Variants in CARF observed in about 807,000 individuals in gnomAD.
CARF encodes the protein calcium responsive transcription factor.
Under a neutral mutation model 82.0 loss-of-function variants are expected in CARF, and 57 were observed. The ratio of observed to expected loss-of-function variants is 0.70; its 90% confidence interval spans 0.56 to 0.87. The LOEUF (loss-of-function observed/expected upper bound fraction) is 0.87. Ranked by LOEUF, CARF falls within the 40% of genes least tolerant of loss-of-function variation. CARF has a pLI of 0.00. For synonymous variants in CARF, 268 were observed against 290.1 expected, an observed-to-expected ratio of 0.92 and a Z score of 0.77; for missense variants, 771 against 855.8, an observed-to-expected ratio of 0.90 and a Z score of 1.24.
chr2:202,932,256 G>A (rs955151393), intron 3 of CARF, among the ~76,000 whole-genome samples: 1 of 152,144 alleles, frequency 6.6e-6, no homozygotes, highest in Non-Finnish European at 1.5e-5. Context: ...TGAGATTTGG[G>A]TGGGGACACG....
Position 202,984,101 on chromosome 2 carries a change from G to T in CARF, c.*477G>T, listed in dbSNP as rs995021986. On this transcript the variant is annotated 3_prime_UTR_variant, in exon 17 of 17. Transcript: ENST00000438828. Reference sequence around the variant, plus strand: ...GTTGTGAAGAAATTGTTAATTGCCAGACAGGTAAGAAAATGTTTATAATCT... The same window carrying T: ...GTTGTGAAGAAATTGTTAATTGCCATACAGGTAAGAAAATGTTTATAATCT... The T allele has an allele frequency of 3.3e-5, 5 of 152,558 alleles. No individual in the cohort carries two copies. The highest frequency in any genetic ancestry group is 1.2e-4 in the African/African-American group (5 of 41,550). 9.5% of individuals were successfully genotyped at this position (152,558 alleles called of 1,614,324 possible).
chr2:202,933,131 G>T (rs1297057451), intron 3 of CARF, among the ~76,000 whole-genome samples: 2 of 152,140 alleles, frequency 1.3e-5, no homozygotes, highest in African/African-American at 4.8e-5. Context: ...CTGGCCTGAG[G>T]GGGTGATAGG....
In CARF at chr2:202,980,616, GTATATA is replaced by G. The variant is rs34656288; in HGVS notation, c.1559-898_1559-893del. On this transcript the variant is annotated intron_variant, in intron 14 of 16. Transcript: ENST00000438828. ...GAGTTACAGATATAGCGTCTTTCAAGTATATATATATATATATATATATATATATAT... is the reference window on the plus strand; with the variant it reads ...GAGTTACAGATATAGCGTCTTTCAAGTATATATATATATATATATATATAT... Among the ~76,000 whole-genome samples, 142 of 42,624 alleles carry G rather than the reference GTATATA, an allele frequency of 3.3e-3. 1 individual carries two copies. Among genetic ancestry groups the G allele is most frequent in the African/African-American group, 9.9e-3 (60 of 6,044 alleles). The allele number at this position is 42,624 out of a possible 152,430, so 28.0% of individuals were successfully genotyped here.
At chr2:202,956,237 TTATTTATG>T (rs1185723683) in intron 8 of CARF, among the ~76,000 whole-genome samples, 7 of 152,150 alleles carry the variant, frequency 4.6e-5, no homozygotes, top group East Asian at 1.9e-4. Flanking sequence ...ACCAGTTTAT[TTATTTATG>T]TATTTATGTA....
intron 8 of CARF, among the ~76,000 whole-genome samples, chr2:202,960,520 G>A (rs1656382596): frequency 6.6e-6 from 1 of 152,064 alleles, no homozygotes; most frequent in Admixed American, 6.6e-5. Flanking sequence ...AAAGTGCTGG[G>A]ATTACAGACA....
intron 13 of CARF, among the ~76,000 whole-genome samples, chr2:202,976,978 C>T (rs534119278): frequency 3.9e-5 from 6 of 152,262 alleles, no homozygotes; most frequent in African/African-American, 7.2e-5. Context: ...CCAAGCCTTA[C>T]GGGCATGACC....
Position 202,941,947 on chromosome 2 carries a change from T to C in CARF, c.45T>C (p.Gly15=), listed in dbSNP as rs1261981617. The change falls in exon 4 of 17, where the codon GGT becomes GGC. Residue 15 remains glycine (G), a synonymous_variant. Coordinates refer to ENST00000438828, the MANE Select transcript of CARF (RefSeq NM_024744.17). The part of the protein sequence containing the change: ...NDSLRVNHND[G]EESKTSAQVF... ...CATTAAGAGTCAACCATAATGACGG[T>C]GAAGAGTCAAAAACCAGTGCTCAAG... The C allele has an allele frequency of 6.2e-7, 1 of 1,613,656 alleles. No individual in the cohort carries two copies. The highest frequency in any genetic ancestry group is 8.5e-7 in the Non-Finnish European group (1 of 1,179,762).
Position 202,982,268 on chromosome 2 carries a change from C to T in CARF, c.1886C>T (p.Ala629Val). Residue 629 changes from alanine to valine, a missense_variant, in exon 16 of 17, where the codon GCC becomes GTC. Coordinates refer to ENST00000438828, the MANE Select transcript of CARF (RefSeq NM_024744.17). ...TGCTTAACCCAAAACAATAGTACTG[C>T]CTCCACCATGGGTAACCTTCCAGAA... ...DTCLTQNNST[A>V]STMGNLPEPD... 1 of 1,614,092 alleles carries T rather than the reference C, an allele frequency of 6.2e-7. No individual in the cohort carries two copies. Among genetic ancestry groups the T allele is most frequent in the Non-Finnish European group, 8.5e-7 (1 of 1,180,012 alleles).
At chr2:202,966,613 G>A (rs982490943) in intron 9 of CARF, among the ~76,000 whole-genome samples, 1 of 152,076 alleles carries the variant, frequency 6.6e-6, no homozygotes, top group Admixed American at 6.6e-5. Flanking sequence ...GGGAGGCTGA[G>A]GCAGGAGAAC....
chr2:202,972,281 A>G (rs2059819080), intron 12 of CARF, among the ~76,000 whole-genome samples: 2 of 152,158 alleles, frequency 1.3e-5, no homozygotes, highest in Admixed American at 6.5e-5. Context: ...TTTTACATGT[A>G]TGATCTCATT....
chr2:202,945,089 A>C (rs2058432003), intron 5 of CARF, among the ~76,000 whole-genome samples: 2 of 152,336 alleles, frequency 1.3e-5, no homozygotes, highest in South Asian at 4.1e-4. Context: ...AAAGAACTGA[A>C]GATCAGAGAG....
chr2:202,977,655 G>A (rs560634932), intron 14 of CARF, among the ~76,000 whole-genome samples: 1 of 152,034 alleles, frequency 6.6e-6, no homozygotes, highest in South Asian at 2.1e-4. Flanking sequence ...CATTTTTTAC[G>A]GTTGCTTTTT....
At chr2:202,918,665 A>G (rs1260798767) in intron 2 of CARF, among the ~76,000 whole-genome samples, 3 of 152,214 alleles carry the variant, frequency 2.0e-5, no homozygotes, top group African/African-American at 7.2e-5. Flanking sequence ...GTCACTTTGC[A>G]GTTGTCAGGA....
chr2:202,979,403 A>T (rs1185385926), intron 14 of CARF, among the ~76,000 whole-genome samples: 1 of 152,144 alleles, frequency 6.6e-6, no homozygotes, highest in Non-Finnish European at 1.5e-5. Context: ...GACATTAATA[A>T]CGAAGAAACC....
chr2:202,947,300 A>C (rs2058546060), intron 5 of CARF, among the ~76,000 whole-genome samples: 1 of 152,224 alleles, frequency 6.6e-6, no homozygotes. Flanking sequence ...GTAGCCATAA[A>C]AAAGAATGAG....
At chr2:202,942,665 C>T in intron 4 of CARF, 75 bp from the exon 5 acceptor site, 1 of 1,177,584 alleles carries the variant, frequency 8.5e-7, no homozygotes, top group Non-Finnish European at 1.2e-6. Flanking sequence ...AAATGGATGT[C>T]TTTTCATTTT....
intron 8 of CARF, among the ~76,000 whole-genome samples, chr2:202,959,857 G>A (rs562999668): frequency 2.0e-5 from 3 of 150,944 alleles, no homozygotes; most frequent in Non-Finnish European, 2.9e-5. Flanking sequence ...CCTCTAGTAC[G>A]AGGATACTCA....
At chr2:202,966,917 A>C (rs181555889) in intron 9 of CARF, 61 bp from the exon 10 acceptor site, 1 of 1,509,784 alleles carries the variant, frequency 6.6e-7, no homozygotes, top group South Asian at 1.3e-5. Flanking sequence ...GTTACTTTTA[A>C]TCTAGTGTCT....
intron 6 of CARF, among the ~76,000 whole-genome samples, chr2:202,953,426 C>G (rs543526753): frequency 6.6e-6 from 1 of 150,436 alleles, no homozygotes; most frequent in South Asian, 2.1e-4. Flanking sequence ...AAAAGAGAAT[C>G]ATGCTCCCTA....
Sources: gnomAD v4.1 joint callset for allele counts (sites outside exome capture counted in the v4.1 genomes callset) on GRCh38, gnomAD v4.1.1 for gene constraint, MANE v1.5 for transcripts, NCBI Gene and HGNC (gene_info 2026-07-23, HGNC 2026-07-21) for gene names.